Variants in COL19A1 observed in about 807,000 individuals in gnomAD.
The protein encoded by COL19A1 is collagen alpha-1(XIX) chain.
Under a neutral mutation model 190.2 loss-of-function variants are expected in COL19A1, and 159 were observed. The observed-to-expected ratio is 0.84, with a 90% CI of 0.73 to 0.95. The LOEUF (loss-of-function observed/expected upper bound fraction) is 0.95. Ranked by LOEUF, COL19A1 falls within the 40% of genes least tolerant of loss-of-function variation. COL19A1 has a pLI of 0.00. For missense variants in COL19A1, 1,418 were observed against 1,431.9 expected, an observed-to-expected ratio of 0.99 and a Z score of 0.16; for synonymous variants, 509 against 458.9, an observed-to-expected ratio of 1.11 and a Z score of -1.39.
chr6:70,197,831 T>C (rs752057281), intron 48 of COL19A1, among the ~76,000 whole-genome samples: 1 of 152,208 alleles, frequency 6.6e-6, no homozygotes, highest in African/African-American at 2.4e-5. Flanking sequence ...CCATTCTGCA[T>C]GCTTTGTGAC....
intron 4 of COL19A1, among the ~76,000 whole-genome samples, chr6:69,911,159 A>G (rs1293802233): frequency 2.6e-5 from 4 of 152,246 alleles, no homozygotes; most frequent in Admixed American, 2.0e-4. Flanking sequence ...TATAATTTCA[A>G]TAATAAACTT....
At chr6:69,988,571 T>C (rs1217936664) in intron 11 of COL19A1, among the ~76,000 whole-genome samples, 2 of 152,224 alleles carry the variant, frequency 1.3e-5, no homozygotes, top group African/African-American at 4.8e-5. Flanking sequence ...TACCTTTCCA[T>C]GTATCAGACA....
At chr6:70,161,399 T>C (rs890178422) in intron 34 of COL19A1, among the ~76,000 whole-genome samples, 1 of 152,192 alleles carries the variant, frequency 6.6e-6, no homozygotes, top group African/African-American at 2.4e-5. Context: ...AAATGCTCTA[T>C]GAATCACCAG....
At chr6:70,123,133 A>T (rs1255092179) in intron 17 of COL19A1, among the ~76,000 whole-genome samples, 1 of 152,176 alleles carries the variant, frequency 6.6e-6, no homozygotes, top group Non-Finnish European at 1.5e-5. Flanking sequence ...CAACCCCATC[A>T]AAAAGTGGGT....
At chr6:70,204,251 G>A (rs765737700) in intron 49 of COL19A1, among the ~76,000 whole-genome samples, 96 of 152,294 alleles carry the variant, frequency 6.3e-4, no homozygotes, top group Middle Eastern at 3.4e-3. Flanking sequence ...ACGCTGAAGA[G>A]GTGAAAAGCT....
intron 12 of COL19A1, among the ~76,000 whole-genome samples, chr6:70,029,887 T>C (rs1010895956): frequency 6.6e-6 from 1 of 152,188 alleles, no homozygotes; most frequent in African/African-American, 2.4e-5. Flanking sequence ...AAAAACAACA[T>C]TTATTAAGTG....
chr6:70,099,634 A>C (rs916323916), intron 15 of COL19A1, among the ~76,000 whole-genome samples: 3 of 152,210 alleles, frequency 2.0e-5, no homozygotes, highest in Non-Finnish European at 4.4e-5. Flanking sequence ...TAAGCCTAAC[A>C]AAAAGGTAAC....
intron 11 of COL19A1, among the ~76,000 whole-genome samples, chr6:69,987,916 A>G (rs531685013): frequency 3.3e-5 from 5 of 152,226 alleles, no homozygotes; most frequent in Admixed American, 6.5e-5. Flanking sequence ...AGAATTAAGT[A>G]TGAACATCTA....
chr6:69,912,488 C>G (rs916087727), intron 4 of COL19A1, among the ~76,000 whole-genome samples: 1 of 152,144 alleles, frequency 6.6e-6, no homozygotes, highest in Non-Finnish European at 1.5e-5. Flanking sequence ...TTCTAATTTT[C>G]TTATCAATGC....
At chr6:69,905,321 C>T (rs1770476507) in intron 4 of COL19A1, among the ~76,000 whole-genome samples, 1 of 152,210 alleles carries the variant, frequency 6.6e-6, no homozygotes. Context: ...TCAACAGCAG[C>T]TTACACACAC....
chr6:69,877,646 T>G (rs1194404892), intron 1 of COL19A1, among the ~76,000 whole-genome samples: 1 of 152,052 alleles, frequency 6.6e-6, no homozygotes, highest in African/African-American at 2.4e-5. Context: ...GTGAATAATA[T>G]AATTATATTT....
chr6:69,957,552 G>A (rs765216716), intron 9 of COL19A1, among the ~76,000 whole-genome samples: 12 of 151,314 alleles, frequency 7.9e-5, no homozygotes, highest in South Asian at 4.2e-4. Context: ...AGAAAACCCC[G>A]TAATGAAAAA....
At position 69,942,740 on chromosome 6, in the gene COL19A1, A is replaced by ATGTGTGTGTGTG. The variant is rs35406948; in HGVS notation, c.936+4660_936+4671dup. On this transcript the variant is annotated intron_variant, in intron 9 of 50. Coordinates refer to ENST00000620364, the MANE Select transcript of COL19A1 (RefSeq NM_001858.6). The stretch of plus-strand genomic sequence containing the variant: ...GGCTTAATGTCATTCCATTGTGTGT[A>ATGTGTGTGTGTG]TGTGTGTGTGTGTGTGTGTGTGTGT... 2.9e-3 allele frequency among the ~76,000 whole-genome samples: 426 copies of ATGTGTGTGTGTG among 146,670 alleles called. 2 individuals are homozygous for ATGTGTGTGTGTG. Among genetic ancestry groups the ATGTGTGTGTGTG allele is most frequent in the African/African-American group, 6.4e-3 (253 of 39,762 alleles).
At chr6:69,976,539 G>C (rs565591874) in intron 11 of COL19A1, among the ~76,000 whole-genome samples, 1 of 152,150 alleles carries the variant, frequency 6.6e-6, no homozygotes, top group Non-Finnish European at 1.5e-5. Context: ...CTGTGGGAAG[G>C]AAGAGGAGTG....
intron 5 of COL19A1, among the ~76,000 whole-genome samples, chr6:69,928,313 A>G (rs1158288758): frequency 6.6e-6 from 1 of 152,116 alleles, no homozygotes; most frequent in African/African-American, 2.4e-5. Context: ...TTCTCTTTAC[A>G]ACTGCTTCAT....
At chr6:70,088,733 T>C (rs549477110) in intron 15 of COL19A1, among the ~76,000 whole-genome samples, 1 of 152,242 alleles carries the variant, frequency 6.6e-6, no homozygotes, top group South Asian at 2.1e-4. Flanking sequence ...GACTATGAGC[T>C]CCTCGAGGGC....
chr6:69,998,132 A>G (rs1054972879), intron 11 of COL19A1, among the ~76,000 whole-genome samples: 1 of 152,198 alleles, frequency 6.6e-6, no homozygotes, highest in African/African-American at 2.4e-5. Flanking sequence ...TGAAACTATC[A>G]AAGATGAAAG....
At chr6:70,179,441 G>A (rs1766027084) in intron 42 of COL19A1, among the ~76,000 whole-genome samples, 1 of 152,160 alleles carries the variant, frequency 6.6e-6, no homozygotes, top group Non-Finnish European at 1.5e-5. Context: ...TGGACCGTCT[G>A]CCCCTCTCGT....
At chr6:70,084,526 A>C (rs2150167954) in intron 15 of COL19A1, among the ~76,000 whole-genome samples, 1 of 152,350 alleles carries the variant, frequency 6.6e-6, no homozygotes, top group South Asian at 2.1e-4. Flanking sequence ...GTAGAGGAAA[A>C]TCAGTGTCGT....
Sources: gnomAD v4.1 joint callset for allele counts (sites outside exome capture counted in the v4.1 genomes callset) on GRCh38, gnomAD v4.1.1 for gene constraint, MANE v1.5 for transcripts, NCBI Gene and HGNC (gene_info 2026-07-23, HGNC 2026-07-21) for gene names.